Variants in SDC2 observed in about 807,000 individuals in gnomAD.
SDC2 encodes syndecan-2.
In SDC2, 13 loss-of-function variants were observed where a neutral mutation model predicts 22.2. The ratio of observed to expected loss-of-function variants is 0.59; its 90% CI spans 0.38 to 0.93. The LOEUF (loss-of-function observed/expected upper bound fraction) is 0.93, where lower values mean the gene tolerates loss of function less well. Ranked by LOEUF, SDC2 falls within the 40% of genes least tolerant of loss-of-function variation. SDC2 has a pLI of 0.00. For missense variants in SDC2, 235 were observed against 246.8 expected (o/e 0.95, Z 0.32); for synonymous variants, 94 against 92.8 (o/e 1.01, Z -0.07).
rs1032927757 is a variant in SDC2, at chr8:96,535,988, C to A, written c.60+41657C>A. The stretch of plus-strand genomic sequence containing the variant: ...AGGCATGGATATAGAAAGGGAAAAA[C>A]CAAAAAGAAATGATTTGTGTATGTC... On this transcript the variant is annotated intron_variant, in intron 1 of 4. Transcript: ENST00000302190. Among the ~76,000 whole-genome samples the A allele has an allele frequency of 6.6e-5, 10 of 152,174 alleles. 3 individuals are homozygous for A.
chr8:96,505,312 AT>A (rs1055275890), intron 1 of SDC2, among the ~76,000 whole-genome samples: 2 of 150,830 alleles, frequency 1.3e-5, no homozygotes, highest in Non-Finnish European at 1.5e-5. Context: ...TATTATTTTT[AT>A]TTTTTTTTGA....
chr8:96,534,886 G>A (rs994938665), intron 1 of SDC2, among the ~76,000 whole-genome samples: 1 of 152,082 alleles, frequency 6.6e-6, no homozygotes, highest in Non-Finnish European at 1.5e-5. Flanking sequence ...ACAATTCAAA[G>A]CCTCACTGTT....
At chr8:96,495,585 C>T (rs188842132) in intron 1 of SDC2, among the ~76,000 whole-genome samples, 77 of 152,272 alleles carry the variant, frequency 5.1e-4, no homozygotes, top group African/African-American at 1.8e-3. Context: ...AATAACGTGT[C>T]AATTTCTAAT....
chr8:96,604,973 G>A (rs78563613), intron 3 of SDC2, among the ~76,000 whole-genome samples: 4 of 152,244 alleles, frequency 2.6e-5, no homozygotes, highest in South Asian at 4.2e-4. Flanking sequence ...ACCCAGAGCC[G>A]CTTGAGGCTT....
chr8:96,513,897 G>A (rs1252757401), intron 1 of SDC2, among the ~76,000 whole-genome samples: 2 of 152,224 alleles, frequency 1.3e-5, no homozygotes, highest in Non-Finnish European at 2.9e-5. Context: ...GATCTTTAGA[G>A]GAGATTCAAG....
chr8:96,517,461 A>C (rs1813418807), intron 1 of SDC2, among the ~76,000 whole-genome samples: 1 of 152,162 alleles, frequency 6.6e-6, no homozygotes, highest in African/African-American at 2.4e-5. Context: ...TTATGGTTTT[A>C]GTTCTTACAT....
At chr8:96,498,385 C>G (rs1448916505) in intron 1 of SDC2, among the ~76,000 whole-genome samples, 1 of 152,114 alleles carries the variant, frequency 6.6e-6, no homozygotes, top group African/African-American at 2.4e-5. Context: ...GCAGCACCAA[C>G]AGGTGTTTAC....
intron 4 of SDC2, 66 bp from the exon 5 acceptor site, chr8:96,609,319 A>G (rs1396111946): frequency 7.6e-7 from 1 of 1,310,330 alleles, no homozygotes; most frequent in East Asian, 2.5e-5. Context: ...ATTAGGCTTG[A>G]CAATAAAGCT....
intron 1 of SDC2, among the ~76,000 whole-genome samples, chr8:96,576,655 G>A (rs1022155242): frequency 1.3e-5 from 2 of 149,862 alleles, no homozygotes; most frequent in Admixed American, 6.7e-5. Context: ...TCCTGACCTC[G>A]TGATCCGCCC....
At chr8:96,609,102 A>C (rs1486857066) in intron 4 of SDC2, among the ~76,000 whole-genome samples, 1 of 152,208 alleles carries the variant, frequency 6.6e-6, no homozygotes, top group Non-Finnish European at 1.5e-5. Flanking sequence ...GAAAAGACAA[A>C]AGTAGTTTTC....
intron 1 of SDC2, among the ~76,000 whole-genome samples, chr8:96,550,637 G>A (rs1814011823): frequency 6.6e-6 from 1 of 152,136 alleles, no homozygotes; most frequent in East Asian, 1.9e-4. Context: ...AGACCTCAGG[G>A]CCCTGGGGAA....
intron 1 of SDC2, among the ~76,000 whole-genome samples, chr8:96,546,012 A>G (rs890321124): frequency 1.3e-4 from 20 of 152,224 alleles, no homozygotes; most frequent in African/African-American, 4.8e-4. Flanking sequence ...ACAGGGTAGA[A>G]TTTATTCTCA....
At chr8:96,554,337 T>G (rs570046307) in intron 1 of SDC2, among the ~76,000 whole-genome samples, 2 of 152,334 alleles carry the variant, frequency 1.3e-5, no homozygotes, top group South Asian at 4.1e-4. Context: ...TTGAGTTTTG[T>G]GAATACCGTT....
At position 96,610,277 on chromosome 8, in the gene SDC2, C is replaced by T. The variant is rs1288917038; in HGVS notation, c.*729C>T. On this transcript the variant is annotated 3_prime_UTR_variant, in exon 5 of 5. Transcript: ENST00000302190. ...GGGAGGATTTGATGTAAGTTACTGA[C>T]AAGCCTCAGCAAACCCAAAGATGTT... 6.6e-6 allele frequency: 1 copy of T among 152,594 alleles called. No individual in the cohort carries two copies. Among genetic ancestry groups the T allele is most frequent in the African/African-American group, 2.4e-5 (1 of 41,450 alleles). 9.5% of individuals were successfully genotyped at this position (152,594 alleles called of 1,614,324 possible). A position where few individuals can be genotyped will look rare whatever the true frequency, so the allele number is the denominator to read the frequency against.
chr8:96,534,466 G>C (rs1813719511), intron 1 of SDC2, among the ~76,000 whole-genome samples: 2 of 152,072 alleles, frequency 1.3e-5, no homozygotes. Context: ...TGAGACTCTT[G>C]CTCTGTTGCC....
rs1007286716 is a variant in SDC2, at chr8:96,494,005, G to A, written c.-267G>A. The A allele has an allele frequency of 2.3e-5, 12 of 521,974 alleles. No individual in the cohort carries two copies. The highest frequency in any genetic ancestry group is 2.6e-5 in the South Asian group (1 of 37,880). The allele number at this position is 521,974 out of a possible 1,614,324, so 32.3% of individuals were successfully genotyped here. ...AAGAGCTTCAGAGAGCAGCCTTCCC[G>A]GAGCACCAACTCCGTGTCGGGAGTG... On this transcript the variant is annotated 5_prime_UTR_variant, in exon 1 of 5. Transcript: ENST00000302190.
intron 1 of SDC2, among the ~76,000 whole-genome samples, chr8:96,568,851 G>A (rs1316765937): frequency 1.3e-5 from 2 of 152,176 alleles, no homozygotes; most frequent in Non-Finnish European, 2.9e-5. Flanking sequence ...TCATCTATTT[G>A]GGATAGGCAG....
Position 96,587,988 on chromosome 8 carries a change from T to C in SDC2, c.61-5492T>C, listed in dbSNP as rs1814715094. 3.3e-5 allele frequency among the ~76,000 whole-genome samples: 5 copies of C among 152,200 alleles called. No individual in the cohort carries two copies. The South Asian group carries it at 8.3e-4, about 25-fold the overall frequency. ...TAGGCCCTGGAGATTGTTGAGATGA[T>C]TAGATGAGCCAATGCTTAATAAAAT... is the stretch of plus-strand genomic sequence containing the variant. On this transcript the variant is annotated intron_variant, in intron 1 of 4. Transcript: ENST00000302190.
At chr8:96,545,346 G>A (rs1021493655) in intron 1 of SDC2, among the ~76,000 whole-genome samples, 5 of 152,114 alleles carry the variant, frequency 3.3e-5, no homozygotes, top group Admixed American at 6.6e-5. Context: ...AGGATCTGGC[G>A]TTTTAAATAA....
Sources: gnomAD v4.1 joint callset for allele counts (sites outside exome capture counted in the v4.1 genomes callset) on GRCh38, gnomAD v4.1.1 for gene constraint, MANE v1.5 for transcripts, NCBI Gene and HGNC (gene_info 2026-07-23, HGNC 2026-07-21) for gene names.